Variants in PRLR observed in about 807,000 individuals in gnomAD.
PRLR encodes the protein prolactin receptor, also known as hPRL receptor.
A neutral mutation model predicts 40.2 loss-of-function variants in PRLR; 13 were observed. The ratio of observed to expected loss-of-function variants is 0.32; its 90% CI spans 0.21 to 0.51. The LOEUF (loss-of-function observed/expected upper bound fraction) is 0.51, where lower values mean the gene tolerates loss of function less well. Among genes scored for constraint, PRLR ranks in the 20% least tolerant of loss-of-function variants. The pLI is 0.97. For synonymous variants in PRLR, 269 were observed against 278.7 expected (o/e 0.97, Z 0.35); for missense variants, 656 against 747.3 (o/e 0.88, Z 1.42).
At chr5:35,105,852 T>A (rs1772206822) in intron 2 of PRLR, among the ~76,000 whole-genome samples, 1 of 152,104 alleles carries the variant, frequency 6.6e-6, no homozygotes, top group African/African-American at 2.4e-5. Flanking sequence ...CAGGCCAACA[T>A]TCAAATTCAG....
intron 1 of PRLR, among the ~76,000 whole-genome samples, chr5:35,223,543 C>A (rs1455888102): frequency 6.6e-6 from 1 of 152,208 alleles, no homozygotes; most frequent in Admixed American, 6.5e-5. Flanking sequence ...CACTGCCACA[C>A]CACTGTGCAT....
At position 35,064,527 on chromosome 5, in the gene PRLR, C is replaced by T. The variant is rs1329546827; in HGVS notation, c.*562G>A. 1 of 152,606 alleles carries T rather than the reference C, an allele frequency of 6.6e-6. No homozygotes were observed. The highest frequency in any genetic ancestry group is 2.4e-5 in the African/African-American group (1 of 41,426). 9.5% of individuals were successfully genotyped at this position (152,606 alleles called of 1,614,324 possible). A position where few individuals can be genotyped will look rare whatever the true frequency, so the allele number is the denominator to read the frequency against. ...AAAAAATTGGAGGCATTATTTCTTA[C>T]TTGCATATCAGCAATGTGTCAGTAA... On this transcript the variant is annotated 3_prime_UTR_variant, in exon 10 of 10. Transcript: ENST00000618457.
chr5:35,083,438 T>C (rs6860456), intron 5 of PRLR, among the ~76,000 whole-genome samples: 10,563 of 141,350 alleles, frequency 0.075, 673 homozygotes, highest in African/African-American at 0.2. Flanking sequence ...CTCTCTCTCT[T>C]CCTCTCTCTC....
intron 1 of PRLR, among the ~76,000 whole-genome samples, chr5:35,208,323 T>C (rs1705897595): frequency 1.3e-5 from 2 of 152,194 alleles, no homozygotes; most frequent in African/African-American, 4.8e-5. Flanking sequence ...GCTAGAAGGT[T>C]GTTTCCTTCC....
intron 9 of PRLR, among the ~76,000 whole-genome samples, chr5:35,067,615 T>G (rs917237181): frequency 6.6e-6 from 1 of 152,214 alleles, no homozygotes; most frequent in African/African-American, 2.4e-5. Flanking sequence ...AAAGCCAAAC[T>G]GAAACTATTT....
intron 1 of PRLR, among the ~76,000 whole-genome samples, chr5:35,139,550 C>T (rs1004591752): frequency 2.0e-5 from 3 of 152,000 alleles, no homozygotes; most frequent in African/African-American, 7.3e-5. Context: ...TAAAATAATC[C>T]AGATACAAAC....
intron 4 of PRLR, among the ~76,000 whole-genome samples, chr5:35,085,407 T>C (rs568339554): frequency 6.6e-6 from 1 of 152,320 alleles, no homozygotes; most frequent in East Asian, 1.9e-4. Context: ...ATATTTTCCT[T>C]TCTGAAGAAG....
intron 5 of PRLR, among the ~76,000 whole-genome samples, chr5:35,076,136 T>G (rs112524273): frequency 0.096 from 14,586 of 152,168 alleles, 1,085 homozygotes; most frequent in African/African-American, 0.2. Flanking sequence ...GCACCTCTTC[T>G]CCTCCAAAGG....
chr5:35,079,190 G>T (rs1234191462), intron 5 of PRLR, among the ~76,000 whole-genome samples: 1 of 152,166 alleles, frequency 6.6e-6, no homozygotes, highest in Non-Finnish European at 1.5e-5. Flanking sequence ...TCAACATAGT[G>T]TTGGAAGTTC....
intron 1 of PRLR, among the ~76,000 whole-genome samples, chr5:35,125,807 A>C (rs1177808986): frequency 6.6e-6 from 1 of 152,216 alleles, no homozygotes; most frequent in Non-Finnish European, 1.5e-5. Flanking sequence ...TACACTGCAT[A>C]ATCAGGAAGA....
rs770908880 is a variant in PRLR at position 35,072,596 on chromosome 5, G to T, written c.522C>A (p.Pro174=). The T allele has an allele frequency of 1.2e-6, 2 of 1,613,764 alleles. No individual in the cohort carries two copies. Among genetic ancestry groups the T allele is most frequent in the South Asian group, 2.2e-5 (2 of 91,002 alleles). ...TCACCTCCCACTCAGCTGCTTTCTCGGGTTTTAATCGAATTTCATACAGGA... is the reference window on the plus strand; with the variant it reads ...TCACCTCCCACTCAGCTGCTTTCTCTGGTTTTAATCGAATTTCATACAGGA... The part of the protein sequence containing the change: ...FTLLYEIRLK[P]EKAAEWEIHF... Residue 174 remains proline (P), a synonymous_variant, in exon 6 of 10, where the codon CCC becomes CCA. Coordinates refer to ENST00000618457, the MANE Select transcript of PRLR (RefSeq NM_000949.7).
intron 6 of PRLR, among the ~76,000 whole-genome samples, 183 bp from the exon 7 acceptor site, chr5:35,070,448 G>A (rs1357169915): frequency 6.6e-6 from 1 of 152,152 alleles, no homozygotes; most frequent in Non-Finnish European, 1.5e-5. Context: ...CAAAAATTTA[G>A]CAGGTTTTCT....
At chr5:35,078,988 G>T (rs945406949) in intron 5 of PRLR, among the ~76,000 whole-genome samples, 1 of 152,090 alleles carries the variant, frequency 6.6e-6, no homozygotes, top group East Asian at 1.9e-4. Context: ...TGCAGAAAAG[G>T]CCTTTGACAA....
rs1388989663 is a variant in PRLR at position 35,062,915 on chromosome 5, T to C, written c.*2174A>G. 6.6e-6 allele frequency: 1 copy of C among 152,248 alleles called. No individual in the cohort carries two copies. Among genetic ancestry groups the C allele is most frequent in the Non-Finnish European group, 1.5e-5 (1 of 68,042 alleles). The allele number at this position is 152,248 out of a possible 1,614,324, so 9.4% of individuals were successfully genotyped here. On this transcript the variant is annotated 3_prime_UTR_variant, in exon 10 of 10. Coordinates refer to ENST00000618457, the MANE Select transcript of PRLR (RefSeq NM_000949.7). ...TTGTTCATTGCAAGTCAAACAGACT[T>C]GATCTGTCCTTTCCAAAAGAGGATT...
chr5:35,086,452 G>T, intron 3 of PRLR, 112 bp from the exon 4 acceptor site: 4 of 1,351,788 alleles, frequency 3.0e-6, no homozygotes, highest in Non-Finnish European at 4.1e-6. Context: ...GAAGTCTCAG[G>T]CTGAGGAGAC....
intron 1 of PRLR, among the ~76,000 whole-genome samples, chr5:35,129,243 G>T (rs1773574012): frequency 1.3e-5 from 2 of 152,128 alleles, no homozygotes; most frequent in Admixed American, 1.3e-4. Flanking sequence ...ATTGTGATTG[G>T]CATTTAGGCA....
chr5:35,218,728 C>T lies in PRLR; in HGVS notation c.-106+11540G>A, dbSNP rs16872886. ...CTAATAAAACACTGGAAAGAAGCCA[C>T]CAGAATTTTAAAGCAAATAATGTGG... On this transcript the variant is annotated intron_variant, in intron 1 of 9. Transcript: ENST00000618457. Among the ~76,000 whole-genome samples the T allele has an allele frequency of 8.7e-3, 1,315 of 151,984 alleles. 16 individuals carry two copies. Among genetic ancestry groups the T allele is most frequent in the African/African-American group, 0.03 (1,243 of 41,482 alleles).
chr5:35,142,562 C>A (rs557179826), intron 1 of PRLR, among the ~76,000 whole-genome samples: 2 of 152,308 alleles, frequency 1.3e-5, no homozygotes, highest in African/African-American at 4.8e-5. Flanking sequence ...CAATTATCTA[C>A]CCAAAGCTTC....
chr5:35,081,579 T>C (rs1770522101), intron 5 of PRLR: 1 of 153,722 alleles, frequency 6.5e-6, no homozygotes, highest in South Asian at 2.0e-4. Flanking sequence ...AACATAGTCT[T>C]TCACCAGAGA....
Sources: allele counts gnomAD v4.1 joint callset (sites outside exome capture counted in the v4.1 genomes callset), GRCh38; gene constraint gnomAD v4.1.1; transcripts MANE v1.5; gene names NCBI Gene and HGNC (gene_info 2026-07-23, HGNC 2026-07-21).